Variants in CLIC5 observed in about 807,000 individuals in gnomAD.
The protein encoded by CLIC5 is CLIC family member 5.
Under a neutral mutation model 24.7 loss-of-function variants are expected in CLIC5, and 20 were observed. The observed-to-expected ratio is 0.81, with a 90% CI of 0.57 to 1.18. The LOEUF (loss-of-function observed/expected upper bound fraction) is 1.18. CLIC5 is among the 50% of genes most tolerant of loss of function. CLIC5 has a pLI of 0.00. For synonymous variants in CLIC5, 159 were observed against 135.6 expected (o/e 1.17, Z -1.20); for missense variants, 341 against 326.1 (o/e 1.05, Z -0.35).
rs531128423 is a variant in CLIC5 at position 46,006,008 on chromosome 6, A to G, written c.63+9472T>C. On this transcript the variant is annotated intron_variant, in intron 1 of 5. Coordinates refer to ENST00000339561, the MANE Select transcript of CLIC5 (RefSeq NM_016929.5). ...TATATATATATATATATTTATATAT[A>G]TATATATACACACATGTATAAATAT... Among the ~76,000 whole-genome samples, 390 of 124,628 alleles carry G rather than the reference A, an allele frequency of 3.1e-3. 1 individual carries two copies. The highest frequency in any genetic ancestry group is 5.1e-3 in the Non-Finnish European group (288 of 56,452). 81.8% of individuals were successfully genotyped at this position (124,628 alleles called of 152,430 possible).
intron 4 of CLIC5, among the ~76,000 whole-genome samples, chr6:45,929,575 G>A (rs1763645041): frequency 6.6e-6 from 1 of 152,254 alleles, no homozygotes; most frequent in Non-Finnish European, 1.5e-5. Flanking sequence ...TGTGACCAGA[G>A]GCGTTTTTGA....
chr6:45,960,798 G>A (rs1764820561), intron 1 of CLIC5, among the ~76,000 whole-genome samples: 2 of 152,162 alleles, frequency 1.3e-5, no homozygotes. Flanking sequence ...CTCCCTGCCT[G>A]AACTCTGGGG....
chr6:45,911,693 C>T lies in CLIC5; in HGVS notation c.588+2535G>A, dbSNP rs554089846. ...TGTTAGTTTCAATACAGCAGAAATG[C>T]AATTTGTAAATATATACTTCTATTG... On this transcript the variant is annotated intron_variant, in intron 5 of 5. Coordinates refer to ENST00000339561, the MANE Select transcript of CLIC5 (RefSeq NM_016929.5). 279 of 985,292 alleles carry T rather than the reference C, an allele frequency of 2.8e-4. 3 individuals carry two copies. The African/African-American group carries it at 4.5e-3, about 16-fold the overall frequency. The allele number at this position is 985,292 out of a possible 1,614,324, so 61.0% of individuals were successfully genotyped here.
At chr6:46,122,512 T>G in the CLIC5 span, among the ~76,000 whole-genome samples, 1 of 151,914 alleles carries the variant, frequency 6.6e-6, no homozygotes, top group Non-Finnish European at 1.5e-5. Flanking sequence ...AACATCGCAA[T>G]TAAAAGAACT....
chr6:46,015,242 G>C (rs1027010863), intron 1 of CLIC5, among the ~76,000 whole-genome samples: 1 of 152,118 alleles, frequency 6.6e-6, no homozygotes, highest in Admixed American at 6.5e-5. Flanking sequence ...GGCGGGGACG[G>C]GGGTGGACAA....
intron 1 of CLIC5, among the ~76,000 whole-genome samples, chr6:46,002,769 C>T (rs987897397): frequency 6.6e-6 from 1 of 152,202 alleles, no homozygotes; most frequent in Non-Finnish European, 1.5e-5. Context: ...ACAGGTGCGT[C>T]TTTAGGCTGC....
intron 1 of CLIC5, among the ~76,000 whole-genome samples, chr6:46,022,369 T>G (rs958746582): frequency 3.3e-5 from 5 of 152,202 alleles, no homozygotes; most frequent in Non-Finnish European, 5.9e-5. Context: ...GCTATTTCCA[T>G]GGGAATTAAA....
rs1173576298 is a variant in CLIC5 at position 45,898,828 on chromosome 6, C to T, written c.*4260G>A. Reference sequence around the variant, plus strand: ...TTTATATTTTAAATATATGTATAGTCAATATTGTGAAATCTCTAACTCTAC... The same window carrying T: ...TTTATATTTTAAATATATGTATAGTTAATATTGTGAAATCTCTAACTCTAC... On this transcript the variant is annotated 3_prime_UTR_variant, in exon 6 of 6. Coordinates refer to ENST00000339561, the MANE Select transcript of CLIC5 (RefSeq NM_016929.5). 2 of 152,468 alleles carry T rather than the reference C, an allele frequency of 1.3e-5. No homozygotes were observed. Among genetic ancestry groups the T allele is most frequent in the African/African-American group, 2.4e-5 (1 of 41,430 alleles). 9.4% of individuals were successfully genotyped at this position (152,468 alleles called of 1,614,324 possible).
At chr6:45,972,393 T>C (rs1230990887) in intron 1 of CLIC5, among the ~76,000 whole-genome samples, 1 of 152,228 alleles carries the variant, frequency 6.6e-6, no homozygotes, top group South Asian at 2.1e-4. Flanking sequence ...GTCTTCTTTG[T>C]TAGTGGATTG....
At chr6:45,971,593 G>A (rs1202997276) in intron 1 of CLIC5, among the ~76,000 whole-genome samples, 2 of 152,196 alleles carry the variant, frequency 1.3e-5, no homozygotes, top group Admixed American at 6.5e-5. Flanking sequence ...CCTATCTAAT[G>A]TTTAGGATCA....
intron 1 of CLIC5, among the ~76,000 whole-genome samples, chr6:45,957,139 A>G (rs1455589860): frequency 6.6e-6 from 1 of 152,206 alleles, no homozygotes; most frequent in Non-Finnish European, 1.5e-5. Context: ...CCAGATCCAT[A>G]TACTGTTATC....
intron 4 of CLIC5, among the ~76,000 whole-genome samples, chr6:45,915,232 C>T (rs900017954): frequency 1.3e-5 from 2 of 152,020 alleles, no homozygotes; most frequent in African/African-American, 4.8e-5. Flanking sequence ...CTGGCCAATA[C>T]TAGCCATTTT....
chr6:46,015,648 A>G lies in CLIC5; in HGVS notation c.-106T>C, dbSNP rs1192136577. The G allele has an allele frequency of 1.1e-5, 15 of 1,340,768 alleles. No individual in the cohort carries two copies. In the East Asian group the frequency reaches 3.4e-4, roughly 30 times the overall value. The allele number at this position is 1,340,768 out of a possible 1,614,324, so 83.1% of individuals were successfully genotyped here. A position where few individuals can be genotyped will look rare whatever the true frequency, so the allele number is the denominator to read the frequency against. On this transcript the variant is annotated 5_prime_UTR_variant, in exon 1 of 6. Transcript: ENST00000339561. Reference sequence around the variant, plus strand: ...CCGCTGCCCAGCGGGGCTCCTCTTCAGGGCGGTGTTTAATTTTTCACAAAA... The same window carrying G: ...CCGCTGCCCAGCGGGGCTCCTCTTCGGGGCGGTGTTTAATTTTTCACAAAA...
intron 1 of CLIC5, among the ~76,000 whole-genome samples, chr6:45,961,715 A>G (rs143861340): frequency 1.7e-4 from 26 of 152,216 alleles, no homozygotes; most frequent in Non-Finnish European, 3.7e-4. Context: ...TTCAATTAGC[A>G]GGGATGGGAC....
chr6:45,968,317 T>G (rs1765084313), intron 1 of CLIC5, among the ~76,000 whole-genome samples: 1 of 152,148 alleles, frequency 6.6e-6, no homozygotes. Flanking sequence ...CACTTATTCC[T>G]CCTGGGGTAC....
At chr6:45,996,900 T>C (rs1485657893) in intron 1 of CLIC5, among the ~76,000 whole-genome samples, 2 of 152,000 alleles carry the variant, frequency 1.3e-5, no homozygotes, top group Non-Finnish European at 2.9e-5. Flanking sequence ...TTTTACATTG[T>C]TGGTGGGACT....
exon 1 of CLIC5, chr6:46,080,064 G>A (rs1293243252): frequency 6.4e-7 from 1 of 1,551,702 alleles, no homozygotes; most frequent in Admixed American, 2.0e-5. Context: ...GGTATAGACT[G>A]ACACAAAATC....
intron 4 of CLIC5, among the ~76,000 whole-genome samples, chr6:45,932,095 A>T (rs1283191754): frequency 6.6e-6 from 1 of 152,068 alleles, no homozygotes; most frequent in Admixed American, 6.6e-5. Flanking sequence ...CATTCTACAG[A>T]TTTAATTTTA....
intron 4 of CLIC5, among the ~76,000 whole-genome samples, chr6:45,939,815 C>G (rs187745443): frequency 1.3e-5 from 2 of 151,146 alleles, no homozygotes; most frequent in African/African-American, 4.9e-5. Context: ...TAATTAAAAA[C>G]AAGTTTTTTT....
Sources: allele counts gnomAD v4.1 joint callset (sites outside exome capture counted in the v4.1 genomes callset), GRCh38; gene constraint gnomAD v4.1.1; transcripts MANE v1.5; gene names NCBI Gene and HGNC (gene_info 2026-07-23, HGNC 2026-07-21).